Variants in SLC25A26 observed in about 807,000 individuals in gnomAD.
The protein encoded by SLC25A26 is mitochondrial S-adenosylmethionine carrier protein.
Under a neutral mutation model 37.8 loss-of-function variants are expected in SLC25A26, and 36 were observed. The observed-to-expected ratio is 0.95, with a 90% CI of 0.73 to 1.26. The LOEUF (loss-of-function observed/expected upper bound fraction) is 1.26, where lower values mean the gene tolerates loss of function less well. Ranked by LOEUF, SLC25A26 falls within the 50% of genes most tolerant of loss-of-function variation. SLC25A26 has a pLI of 0.00. For synonymous variants in SLC25A26, 129 were observed against 122.5 expected (o/e 1.05, Z -0.35); for missense variants, 390 against 331.1 (o/e 1.18, Z -1.38).
intron 1 of SLC25A26, among the ~76,000 whole-genome samples, chr3:66,168,163 ATATATATATATATGTGTGTGTG>A: frequency 1.4e-5 from 1 of 69,274 alleles, no homozygotes; most frequent in African/African-American, 8.8e-5. Context: ...CAAAAAAAAT[ATATATATATATATGTGTGTGTG>A]TATATATATA....
At chr3:66,295,339 T>C in intron 5 of SLC25A26, among the ~76,000 whole-genome samples, 1 of 152,082 alleles carries the variant, frequency 6.6e-6, no homozygotes, top group East Asian at 1.9e-4. Context: ...TTCTCCTGCC[T>C]CAGCCTCCTG....
At chr3:66,371,270 A>G (rs1303730971) in intron 9 of SLC25A26, 3 of 1,549,346 alleles carry the variant, frequency 1.9e-6, no homozygotes, top group Non-Finnish European at 2.6e-6. Context: ...GTCGGTCGGC[A>G]GCTGCCTGGA....
At chr3:66,147,501 A>T (rs920938628) in intron 1 of SLC25A26, among the ~76,000 whole-genome samples, 11 of 152,056 alleles carry the variant, frequency 7.2e-5, no homozygotes, top group African/African-American at 2.4e-4. Context: ...ATGGACACTC[A>T]GGTTGGTTTT....
At chr3:66,226,140 C>A (rs571773493) in intron 1 of SLC25A26, among the ~76,000 whole-genome samples, 1 of 152,108 alleles carries the variant, frequency 6.6e-6, no homozygotes, top group Non-Finnish European at 1.5e-5. Context: ...AAGACATACC[C>A]AAGACTGGGT....
At chr3:66,234,960 T>C (rs1301983290) in intron 1 of SLC25A26, among the ~76,000 whole-genome samples, 2 of 152,234 alleles carry the variant, frequency 1.3e-5, no homozygotes, top group African/African-American at 4.8e-5. Context: ...GAAAGTTTCC[T>C]CTTTATAATG....
chr3:66,223,949 G>A (rs2071617801), intron 1 of SLC25A26, among the ~76,000 whole-genome samples: 1 of 152,194 alleles, frequency 6.6e-6, no homozygotes, highest in Admixed American at 6.5e-5. Flanking sequence ...AAGACAGTAA[G>A]AAGCTGCTAA....
intron 3 of SLC25A26, 141 bp from the exon 4 acceptor site, chr3:66,261,910 A>T (rs909542803): frequency 1.1e-4 from 16 of 151,228 alleles, no homozygotes; most frequent in Non-Finnish European, 1.9e-4. Context: ...GTTTTAGGTT[A>T]AAAAAAAAAA....
chr3:66,322,405 A>G (rs2075720130), intron 5 of SLC25A26, among the ~76,000 whole-genome samples: 1 of 152,220 alleles, frequency 6.6e-6, no homozygotes, highest in African/African-American at 2.4e-5. Flanking sequence ...TAAAAATTCG[A>G]TCAGTGGTTG....
intron 1 of SLC25A26, among the ~76,000 whole-genome samples, chr3:66,169,144 C>T (rs1448461755): frequency 1.3e-5 from 2 of 152,078 alleles, no homozygotes; most frequent in African/African-American, 4.8e-5. Flanking sequence ...AGAAAATCCT[C>T]GTTCTTTCTT....
At chr3:66,202,580 C>T (rs1364789543) in intron 1 of SLC25A26, among the ~76,000 whole-genome samples, 1 of 150,338 alleles carries the variant, frequency 6.7e-6, no homozygotes, top group Non-Finnish European at 1.5e-5. Context: ...CAAAGTTGAC[C>T]TTAACAAGGG....
At chr3:66,368,490 G>A (rs532590580) in intron 7 of SLC25A26, among the ~76,000 whole-genome samples, 1 of 152,284 alleles carries the variant, frequency 6.6e-6, no homozygotes, top group South Asian at 2.1e-4. Context: ...GCCATAATGT[G>A]GAATGTGTGC....
chr3:66,343,455 C>A (rs893233792), intron 5 of SLC25A26, among the ~76,000 whole-genome samples: 1 of 152,144 alleles, frequency 6.6e-6, no homozygotes, highest in Admixed American at 6.5e-5. Flanking sequence ...GGTTTACTGT[C>A]GCTCCCTTTT....
chr3:66,282,291 G>A (rs967389561), intron 5 of SLC25A26, among the ~76,000 whole-genome samples: 14 of 152,048 alleles, frequency 9.2e-5, no homozygotes, highest in African/African-American at 2.4e-4. Context: ...GATTACAGGC[G>A]TGAGCCACCG....
chr3:66,207,284 A>G (rs2071194045), intron 1 of SLC25A26, among the ~76,000 whole-genome samples: 1 of 151,910 alleles, frequency 6.6e-6, no homozygotes, highest in Admixed American at 6.6e-5. Context: ...TATCCCCCCC[A>G]TCCTTTAGAC....
At chr3:66,264,898 C>T (rs1301625578) in intron 5 of SLC25A26, among the ~76,000 whole-genome samples, 2 of 152,216 alleles carry the variant, frequency 1.3e-5, no homozygotes, top group African/African-American at 4.8e-5. Context: ...GCCACTTCAC[C>T]TCTCTTTGCC....
chr3:66,310,685 C>T (rs532279442), intron 5 of SLC25A26, among the ~76,000 whole-genome samples: 12 of 152,020 alleles, frequency 7.9e-5, no homozygotes, highest in South Asian at 6.2e-4. Flanking sequence ...AAGGCAGGCC[C>T]GGTGGTGACA....
At position 66,178,182 on chromosome 3, in the gene SLC25A26, A is replaced by G. The variant is rs181731484; in HGVS notation, c.-353-42560A>G. ...CTGCTACTAGCTGTTGTCCAGCTTC[A>G]ATGGTCCTAGCTGGAGGCCAGGTTC... On this transcript the variant is annotated intron_variant, in intron 1 of 10. Coordinates refer to the SLC25A26 transcript ENST00000676754. 3.4e-3 allele frequency among the ~76,000 whole-genome samples: 521 copies of G among 152,272 alleles called. 2 individuals carry two copies. The highest frequency in any genetic ancestry group is 6.8e-3 in the Middle Eastern group (2 of 294).
At chr3:66,214,860 G>T (rs899567155) in intron 1 of SLC25A26, among the ~76,000 whole-genome samples, 1 of 152,140 alleles carries the variant, frequency 6.6e-6, no homozygotes, top group East Asian at 1.9e-4. Flanking sequence ...AGGCACGGTG[G>T]CTCATGCCTG....
chr3:66,348,127 T>TCAA (rs368232804), intron 6 of SLC25A26, among the ~76,000 whole-genome samples: 38 of 152,076 alleles, frequency 2.5e-4, no homozygotes, highest in East Asian at 5.8e-4. Context: ...CCCTGGAACT[T>TCAA]CAACAACAAC....
Sources: allele counts gnomAD v4.1 joint callset (sites outside exome capture counted in the v4.1 genomes callset), GRCh38; gene constraint gnomAD v4.1.1; transcripts MANE v1.5; gene names NCBI Gene and HGNC (gene_info 2026-07-23, HGNC 2026-07-21).